Variants in COG5 observed in about 807,000 individuals in gnomAD.
COG5 encodes conserved oligomeric Golgi complex subunit 5.
A neutral mutation model predicts 110.4 loss-of-function variants in COG5; 86 were observed. That is an observed-to-expected ratio of 0.78 (90% CI 0.65 to 0.93). The LOEUF (loss-of-function observed/expected upper bound fraction) is 0.93. Ranked by LOEUF, COG5 falls within the 40% of genes least tolerant of loss-of-function variation. COG5 has a pLI of 0.00. For missense variants in COG5, 1,077 were observed against 987.0 expected (o/e 1.09, Z -1.22); for synonymous variants, 360 against 334.6 (o/e 1.08, Z -0.83).
At chr7:107,242,117 G>A (rs1396937869) in intron 17 of COG5, among the ~76,000 whole-genome samples, 2 of 152,172 alleles carry the variant, frequency 1.3e-5, no homozygotes, top group Admixed American at 1.3e-4. Flanking sequence ...CATTTCCCAT[G>A]TGGGAGAGGT....
intron 6 of COG5, among the ~76,000 whole-genome samples, chr7:107,413,391 A>C (rs1441332795): frequency 6.6e-6 from 1 of 152,092 alleles, no homozygotes; most frequent in Non-Finnish European, 1.5e-5. Flanking sequence ...CACTCACCTT[A>C]AGAAGTAACC....
chr7:107,337,476 T>C (rs1357462063), intron 10 of COG5, among the ~76,000 whole-genome samples: 1 of 152,210 alleles, frequency 6.6e-6, no homozygotes, highest in African/African-American at 2.4e-5. Flanking sequence ...GAATGAAATC[T>C]GGACATCTGC....
chr7:107,511,100 C>T (rs1210493129), intron 6 of COG5, among the ~76,000 whole-genome samples: 1 of 148,138 alleles, frequency 6.8e-6, no homozygotes, highest in Non-Finnish European at 1.5e-5. Context: ...ATTAATGAAT[C>T]CAGGAGCTGG....
intron 10 of COG5, among the ~76,000 whole-genome samples, chr7:107,343,624 C>A (rs1375360154): frequency 6.6e-6 from 1 of 152,002 alleles, no homozygotes; most frequent in Non-Finnish European, 1.5e-5. Flanking sequence ...GAGATTGCAG[C>A]GAGCTGACGT....
intron 14 of COG5, among the ~76,000 whole-genome samples, chr7:107,268,219 C>T (rs555025441): frequency 1.3e-5 from 2 of 152,226 alleles, no homozygotes; most frequent in East Asian, 1.9e-4. Flanking sequence ...CCGCCTGCCT[C>T]GGCCTCCCAA....
chr7:107,515,839 G>A (rs537308120), intron 6 of COG5, among the ~76,000 whole-genome samples: 2 of 152,114 alleles, frequency 1.3e-5, no homozygotes, highest in African/African-American at 2.4e-5. Flanking sequence ...TCAATTCTCA[G>A]TATAGCAAAA....
intron 10 of COG5, among the ~76,000 whole-genome samples, chr7:107,354,532 C>G (rs1812459081): frequency 6.6e-6 from 1 of 152,062 alleles, no homozygotes; most frequent in African/African-American, 2.4e-5. Flanking sequence ...CAAAAATTAG[C>G]CAGCATGGTG....
chr7:107,528,216 C>T (rs796345654), intron 5 of COG5, among the ~76,000 whole-genome samples: 13 of 152,114 alleles, frequency 8.5e-5, no homozygotes, highest in African/African-American at 3.1e-4. Context: ...CTCAGCCTCC[C>T]AAGTAGCTGG....
At chr7:107,304,833 T>C (rs1807572777) in intron 11 of COG5, among the ~76,000 whole-genome samples, 1 of 152,198 alleles carries the variant, frequency 6.6e-6, no homozygotes, top group African/African-American at 2.4e-5. Context: ...GTGCCAAATA[T>C]ACCTGGAAGG....
At chr7:107,374,903 C>T (rs1196988059) in intron 7 of COG5, among the ~76,000 whole-genome samples, 1 of 151,964 alleles carries the variant, frequency 6.6e-6, no homozygotes, top group East Asian at 1.9e-4. Context: ...AAGTAACATA[C>T]ATACAGAGGA....
chr7:107,240,318 C>T (rs893074311), intron 17 of COG5, among the ~76,000 whole-genome samples: 26 of 152,228 alleles, frequency 1.7e-4, no homozygotes, highest in East Asian at 7.7e-4. Context: ...AGGGTTCAAG[C>T]GATTCTCCTG....
intron 19 of COG5, among the ~76,000 whole-genome samples, chr7:107,213,059 G>A (rs981271582): frequency 6.6e-6 from 1 of 152,182 alleles, no homozygotes; most frequent in African/African-American, 2.4e-5. Flanking sequence ...TCAAGAAGGT[G>A]GAGTTTGCAG....
At chr7:107,473,109 A>C (rs1329493045) in intron 6 of COG5, 1 of 151,870 alleles carries the variant, frequency 6.6e-6, no homozygotes, top group Non-Finnish European at 1.5e-5. Context: ...AGCTTCCTCA[A>C]AAAACGGGCT....
intron 7 of COG5, among the ~76,000 whole-genome samples, chr7:107,409,935 G>GT (rs1266602781): frequency 2.6e-5 from 4 of 152,154 alleles, no homozygotes; most frequent in Non-Finnish European, 5.9e-5. Context: ...GGAACTGGAC[G>GT]TAATAAAAAA....
chr7:107,359,267 C>T (rs949582007), intron 10 of COG5, among the ~76,000 whole-genome samples: 2 of 152,236 alleles, frequency 1.3e-5, no homozygotes, highest in South Asian at 2.1e-4. Flanking sequence ...CAACTGAGGC[C>T]GAGCCCAGGT....
chr7:107,389,092 G>A (rs1790430981), intron 7 of COG5, among the ~76,000 whole-genome samples: 1 of 152,178 alleles, frequency 6.6e-6, no homozygotes, highest in Non-Finnish European at 1.5e-5. Context: ...ACCTGTACCT[G>A]CTACACTCTA....
At chr7:107,374,714 A>C (rs1206951829) in intron 7 of COG5, among the ~76,000 whole-genome samples, 3 of 152,064 alleles carry the variant, frequency 2.0e-5, no homozygotes, top group Non-Finnish European at 2.9e-5. Flanking sequence ...TCATTAAAGA[A>C]GTATATATTA....
intron 8 of COG5, among the ~76,000 whole-genome samples, chr7:107,366,050 A>G (rs1367700469): frequency 6.6e-6 from 1 of 152,156 alleles, no homozygotes; most frequent in Non-Finnish European, 1.5e-5. Flanking sequence ...AGAAAGGAAT[A>G]TAAGCTAAAA....
intron 6 of COG5, among the ~76,000 whole-genome samples, chr7:107,459,486 T>A (rs538101160): frequency 6.6e-6 from 1 of 151,930 alleles, no homozygotes; most frequent in South Asian, 2.1e-4. Context: ...AAAAAAAAAT[T>A]ATCTTTATTT....
Sources: gnomAD v4.1 joint callset for allele counts (sites outside exome capture counted in the v4.1 genomes callset) on GRCh38, gnomAD v4.1.1 for gene constraint, MANE v1.5 for transcripts, NCBI Gene and HGNC (gene_info 2026-07-23, HGNC 2026-07-21) for gene names.